THAP4: variants seen among roughly 807,000 people sequenced by gnomAD.
THAP4 encodes peroxynitrite isomerase THAP4.
Under a neutral mutation model 48.1 loss-of-function variants are expected in THAP4, and 18 were observed. That is an observed-to-expected ratio of 0.37 (90% CI 0.26 to 0.56). The LOEUF (loss-of-function observed/expected upper bound fraction) is 0.56. Among genes scored for constraint, THAP4 ranks in the 20% least tolerant of loss-of-function variants. The pLI is 0.78. For missense variants in THAP4, 656 were observed against 774.9 expected, an observed-to-expected ratio of 0.85 and a Z score of 1.82; for synonymous variants, 345 against 324.9, an observed-to-expected ratio of 1.06 and a Z score of -0.66.
chr2:241,633,826 C>T lies in THAP4; in HGVS notation c.331G>A (p.Gly111Ser), dbSNP rs151170735. The change falls in exon 2 of 6, where the codon GGT (glycine) becomes AGT (serine). Residue 111 changes from glycine (G) to serine (S), a missense_variant. Physicochemically the swap from Gly to Ser is moderately conservative, Grantham distance 56. Around this residue, in one of 4 missense-constraint regions of THAP4, gnomAD observed 391 missense variants for 412.4 expected, o/e 0.95. Transcript: ENST00000407315. The surrounding 1 kb of genome is among the most constrained non-coding windows in gnomAD (Gnocchi z 7.5). ...RRKDASKATG[G>S]VRGHSSAATS... ...GCGGCACTCGAGTGTCCCCTCACAC[C>T]CCCTGTGGCCTTGCTGGCATCTTTT... The T allele has an allele frequency of 2.9e-5, 46 of 1,613,618 alleles. No individual in the cohort carries two copies. Among genetic ancestry groups the T allele is most frequent in the Middle Eastern group, 1.6e-4 (1 of 6,076 alleles).
intron 1 of THAP4, among the ~76,000 whole-genome samples, chr2:241,634,605 G>C (rs988388996): frequency 6.6e-6 from 1 of 152,264 alleles, no homozygotes; most frequent in Non-Finnish European, 1.5e-5. Flanking sequence ...CAGAGCTACA[G>C]TTCTGTGTTC....
At chr2:241,614,876 C>G (rs546087566) in intron 2 of THAP4, among the ~76,000 whole-genome samples, 1 of 151,922 alleles carries the variant, frequency 6.6e-6, no homozygotes, top group Non-Finnish European at 1.5e-5. Flanking sequence ...GTGACAAGAG[C>G]GAAACTCCAT....
chr2:241,615,892 G>A (rs2067334882), intron 2 of THAP4, among the ~76,000 whole-genome samples: 1 of 152,222 alleles, frequency 6.6e-6, no homozygotes, highest in African/African-American at 2.4e-5. Context: ...GTGTTTCTGA[G>A]TAGGTTTCGC....
At chr2:241,588,720 G>A (rs977557948) in intron 5 of THAP4, among the ~76,000 whole-genome samples, 5 of 152,134 alleles carry the variant, frequency 3.3e-5, no homozygotes. Context: ...CGAGGTATCT[G>A]TATGAGGAAA....
intron 5 of THAP4, among the ~76,000 whole-genome samples, chr2:241,585,935 A>AAAAAAG (rs1553553074): frequency 2.3e-4 from 34 of 146,968 alleles, no homozygotes; most frequent in African/African-American, 3.8e-4. Context: ...AAAAAGAAAA[A>AAAAAAG]AAAAAGAAAA....
chr2:241,611,381 G>A (rs1366178486), intron 2 of THAP4, among the ~76,000 whole-genome samples: 1 of 152,184 alleles, frequency 6.6e-6, no homozygotes, highest in Non-Finnish European at 1.5e-5. Context: ...CTCCATGCAG[G>A]GTTACCCACC....
Position 241,616,069 on chromosome 2 carries a change from G to C in THAP4, c.1241-9596C>G, listed in dbSNP as rs899791276. Among the ~76,000 whole-genome samples the C allele has an allele frequency of 1.3e-5, 2 of 152,220 alleles. No homozygotes were observed. Among genetic ancestry groups the C allele is most frequent in the African/African-American group, 4.8e-5 (2 of 41,468 alleles). ...GAGAACTCAGTCAGGGGGCTGGCAA[G>C]GACAGGTGAGCACAGCTGGCTCCTC... On this transcript the variant is annotated intron_variant, in intron 2 of 5. Transcript: ENST00000407315. The surrounding 1 kb of genome is among the most constrained non-coding windows in gnomAD (Gnocchi z 4.6).
intron 2 of THAP4, among the ~76,000 whole-genome samples, chr2:241,631,436 G>A (rs563181240): frequency 8.5e-5 from 13 of 152,152 alleles, no homozygotes; most frequent in Non-Finnish European, 1.3e-4. Context: ...GGAAAAAACA[G>A]AAATAGAGCT....
intron 5 of THAP4, among the ~76,000 whole-genome samples, chr2:241,589,706 T>C (rs771894983): frequency 7.3e-5 from 11 of 151,000 alleles, no homozygotes; most frequent in Non-Finnish European, 1.3e-4. Flanking sequence ...AAAAAAAACA[T>C]GTGTCCACAC....
At chr2:241,625,797 CAAAAAAAAAAAAAAAAAA>C (rs147602587) in intron 2 of THAP4, among the ~76,000 whole-genome samples, 3 of 50,158 alleles carry the variant, frequency 6.0e-5, no homozygotes, top group Non-Finnish European at 9.6e-5. Context: ...GACTCCGTCT[CAAAAAAAAAAAAAAAAAA>C]AAAAAAAAAG....
chr2:241,601,714 G>A lies in THAP4; in HGVS notation c.1614+182C>T, dbSNP rs958344041. On this transcript the variant is annotated intron_variant, in intron 5 of 5. Transcript: ENST00000407315. This position sits in a 1 kb window ranked among gnomAD's most constrained non-coding sequence, Gnocchi z 4.0. Reference sequence around the variant, plus strand: ...ACACCACTGACCAGCCGAGGAGGGGGCAATGAATTTAGGGAACATCCACCC... The same window carrying A: ...ACACCACTGACCAGCCGAGGAGGGGACAATGAATTTAGGGAACATCCACCC... 1.8e-6 allele frequency: 2 copies of A among 1,122,060 alleles called. No individual in the cohort carries two copies. Among genetic ancestry groups the A allele is most frequent in the Non-Finnish European group, 2.5e-6 (2 of 798,894 alleles). The allele number at this position is 1,122,060 out of a possible 1,614,324, so 69.5% of individuals were successfully genotyped here.
chr2:241,591,110 A>C (rs62192993), intron 5 of THAP4, among the ~76,000 whole-genome samples: 619 of 55,398 alleles, frequency 0.011, no homozygotes, highest in Middle Eastern at 0.025. Flanking sequence ...CAGAACTGCC[A>C]GGCTGACGAT....
At chr2:241,613,635 G>A (rs576914327) in intron 2 of THAP4, among the ~76,000 whole-genome samples, 20 of 152,138 alleles carry the variant, frequency 1.3e-4, no homozygotes, top group African/African-American at 3.4e-4. Context: ...CGTGCCTGTC[G>A]TCCCAGCTAC....
rs566012120 is a variant in THAP4, at chr2:241,612,301, G to A, written c.1241-5828C>T. 2.0e-5 allele frequency among the ~76,000 whole-genome samples: 3 copies of A among 152,296 alleles called. No homozygotes were observed. In the East Asian group the frequency reaches 5.8e-4, roughly 29 times the overall value. On this transcript the variant is annotated intron_variant, in intron 2 of 5. Coordinates refer to ENST00000407315, the MANE Select transcript of THAP4 (RefSeq NM_015963.6). The surrounding 1 kb of genome is among the most constrained non-coding windows in gnomAD (Gnocchi z 4.1). Reference sequence around the variant, plus strand: ...AGAGAAATGGAAACAAAGTTAGAAGGACGGGAACGCCTGGCACACTGCTGA... The same window carrying A: ...AGAGAAATGGAAACAAAGTTAGAAGAACGGGAACGCCTGGCACACTGCTGA...
At chr2:241,631,126 T>C (rs2067554610) in intron 2 of THAP4, among the ~76,000 whole-genome samples, 2 of 152,282 alleles carry the variant, frequency 1.3e-5, no homozygotes, top group Non-Finnish European at 2.9e-5. Context: ...AAAATCTAGA[T>C]TTGATCTGAA....
At position 241,616,899 on chromosome 2, in the gene THAP4, G is replaced by A. The variant is rs1236741710; in HGVS notation, c.1241-10426C>T. ...GGACAACAGGTCAGGCAGTAAACAA[G>A]CAGCGGCGGCGCCTCCTTCTGTCTA... On this transcript the variant is annotated intron_variant, in intron 2 of 5. Transcript: ENST00000407315. This position sits in a 1 kb window ranked among gnomAD's most constrained non-coding sequence, Gnocchi z 4.6. Among the ~76,000 whole-genome samples the A allele has an allele frequency of 6.6e-6, 1 of 151,822 alleles. No individual in the cohort carries two copies. Among genetic ancestry groups the A allele is most frequent in the African/African-American group, 2.4e-5 (1 of 41,324 alleles).
intron 2 of THAP4, among the ~76,000 whole-genome samples, chr2:241,615,423 A>G (rs1169572094): frequency 1.3e-5 from 2 of 152,206 alleles, no homozygotes; most frequent in Non-Finnish European, 2.9e-5. Flanking sequence ...TTTTATCCCA[A>G]GAGTGTTTAC....
chr2:241,603,101 A>G (rs751657251), intron 3 of THAP4, 22 bp from the exon 4 acceptor site: 1 of 1,599,306 alleles, frequency 6.3e-7, no homozygotes. Flanking sequence ...GTTGGAGTTG[A>G]GAAGCCCAGG....
intron 2 of THAP4, among the ~76,000 whole-genome samples, chr2:241,609,529 G>A (rs964711845): frequency 1.3e-5 from 2 of 152,204 alleles, no homozygotes; most frequent in African/African-American, 4.8e-5. Flanking sequence ...CACTGAACCT[G>A]TAATCCCAGC....
Sources: allele counts gnomAD v4.1 joint callset (sites outside exome capture counted in the v4.1 genomes callset), GRCh38; gene constraint gnomAD v4.1.1; regional missense constraint gnomAD v4.1.1; non-coding constraint Gnocchi (gnomAD v3.1); transcripts MANE v1.5; gene names NCBI Gene and HGNC (gene_info 2026-07-23, HGNC 2026-07-21).